CPEB2: variants seen among roughly 807,000 people sequenced by gnomAD.
CPEB2 encodes cytoplasmic polyadenylation element-binding protein 2.
Under a neutral mutation model 93.6 loss-of-function variants are expected in CPEB2, and 56 were observed. The observed-to-expected ratio is 0.60, with a 90% CI of 0.48 to 0.75. The LOEUF (loss-of-function observed/expected upper bound fraction) is 0.75, where lower values mean the gene tolerates loss of function less well. CPEB2 is among the 30% of genes least tolerant of loss of function. The probability of loss-of-function intolerance (pLI) is 0.00; values close to 1 mark genes in which losing one functional copy is unlikely to be tolerated. For missense variants in CPEB2, 1,579 were observed against 1,395.1 expected (o/e 1.13, Z -2.10); for synonymous variants, 764 against 586.3 (o/e 1.30, Z -4.38).
At chr4:15,015,933 C>T (rs1695753020) in intron 3 of CPEB2, among the ~76,000 whole-genome samples, 1 of 151,934 alleles carries the variant, frequency 6.6e-6, no homozygotes, top group South Asian at 2.1e-4. Context: ...ATCTCTGTCT[C>T]TCAGAATATC....
chr4:15,050,276 G>A (rs1024152528), intron 6 of CPEB2, among the ~76,000 whole-genome samples: 1 of 152,134 alleles, frequency 6.6e-6, no homozygotes, highest in Admixed American at 6.5e-5. Flanking sequence ...TAGGTTGTGT[G>A]CTCCTTATGA....
At position 15,004,090 on chromosome 4, in the gene CPEB2, T is replaced by C; in HGVS notation, c.1417T>C (p.Cys473Arg). The C allele has an allele frequency of 6.4e-7, 1 of 1,561,468 alleles. No individual in the cohort carries two copies. Among genetic ancestry groups the C allele is most frequent in the Non-Finnish European group, 8.6e-7 (1 of 1,157,464 alleles). The change falls in exon 1 of 12, where the codon TGC (cysteine) becomes CGC (arginine). Residue 473 changes from cysteine (C) to arginine (R), a missense_variant. This residue lies in a region of CPEB2 where 1,411 missense variants were observed against 1,056.0 expected (regional missense o/e 1.34). Coordinates refer to ENST00000538197, the MANE Select transcript of CPEB2 (RefSeq NM_001177382.2). ...CTTCTCGCCCGTGTCGCCGCACGGC[T>C]GCACTGGGCTCAGCGTTCCGACGAG... ...PSFSPVSPHGCTGLSVPTSGG... is the reference protein window; with the variant it reads ...PSFSPVSPHGRTGLSVPTSGG...
rs150621610 is a variant in CPEB2 at position 15,040,053 on chromosome 4, A to G, written c.2177-411A>G. Among the ~76,000 whole-genome samples, 384 of 152,238 alleles carry G rather than the reference A, an allele frequency of 2.5e-3. 1 individual carries two copies. The highest frequency in any genetic ancestry group is 8.3e-3 in the African/African-American group (347 of 41,558). ...TGAACAGCTATTTATTGGACTATAT[A>G]TGCCATACCATTCTTTATAATAAGT... On this transcript the variant is annotated intron_variant, in intron 5 of 11. Coordinates refer to ENST00000538197, the MANE Select transcript of CPEB2 (RefSeq NM_001177382.2).
At chr4:15,018,140 T>G (rs1027902693) in intron 4 of CPEB2, among the ~76,000 whole-genome samples, 1 of 151,898 alleles carries the variant, frequency 6.6e-6, no homozygotes. Flanking sequence ...AATCTCTCAT[T>G]GAATCAAAAT....
intron 4 of CPEB2, among the ~76,000 whole-genome samples, chr4:15,025,926 G>A (rs530497367): frequency 3.9e-5 from 6 of 152,182 alleles, no homozygotes; most frequent in South Asian, 2.1e-4. Context: ...CTGTTCTAGT[G>A]TCTTTATCCT....
intron 6 of CPEB2, among the ~76,000 whole-genome samples, chr4:15,045,284 G>A (rs1378820069): frequency 6.6e-6 from 1 of 152,032 alleles, no homozygotes; most frequent in Non-Finnish European, 1.5e-5. Flanking sequence ...TGTTTTATCT[G>A]TATTTTCTAT....
intron 4 of CPEB2, among the ~76,000 whole-genome samples, chr4:15,022,957 A>T (rs1018837992): frequency 1.4e-4 from 22 of 152,022 alleles, no homozygotes; most frequent in African/African-American, 4.6e-4. Flanking sequence ...AGTTGCCTTT[A>T]TTACAAACTT....
chr4:15,033,738 A>C (rs1726347660), intron 5 of CPEB2, among the ~76,000 whole-genome samples: 1 of 152,206 alleles, frequency 6.6e-6, no homozygotes, highest in Non-Finnish European at 1.5e-5. Flanking sequence ...AATTTCATTA[A>C]AGTTAGTTTT....
chr4:15,013,364 T>TA (rs1402340497), intron 3 of CPEB2, among the ~76,000 whole-genome samples: 1 of 152,038 alleles, frequency 6.6e-6, no homozygotes, highest in African/African-American at 2.4e-5. Context: ...CATAGAGTCT[T>TA]ATATTTCTGA....
chr4:15,016,206 C>T (rs960295241), intron 3 of CPEB2, among the ~76,000 whole-genome samples: 5 of 151,968 alleles, frequency 3.3e-5, no homozygotes, highest in African/African-American at 4.8e-5. Flanking sequence ...GTATCCCCCA[C>T]GTATACATAA....
chr4:15,005,061 T>A (rs1365084098), intron 1 of CPEB2: 1 of 152,038 alleles, frequency 6.6e-6, no homozygotes, highest in African/African-American at 2.4e-5. Context: ...CGCCGCACCC[T>A]GGGCCGCCGG....
rs1436957264 is a variant in CPEB2, at chr4:15,065,611, T to G, written c.2878-542T>G. Reference sequence around the variant, plus strand: ...GAGCTGACTCCAGTCTGAAGTGTTCTGCCAAGTCAGACCTTCACAACGGGA... The same window carrying G: ...GAGCTGACTCCAGTCTGAAGTGTTCGGCCAAGTCAGACCTTCACAACGGGA... On this transcript the variant is annotated intron_variant, in intron 11 of 11. Coordinates refer to ENST00000538197, the MANE Select transcript of CPEB2 (RefSeq NM_001177382.2). Among the ~76,000 whole-genome samples the G allele has an allele frequency of 2.6e-5, 4 of 152,230 alleles. No homozygotes were observed. In the South Asian group the frequency reaches 6.2e-4, roughly 24 times the overall value.
chr4:15,023,049 T>G (rs1191389426), intron 4 of CPEB2, among the ~76,000 whole-genome samples: 1 of 152,000 alleles, frequency 6.6e-6, no homozygotes, highest in Non-Finnish European at 1.5e-5. Context: ...AGACTGAAAT[T>G]TTTTTGTTAA....
At chr4:15,054,462 G>T (rs1369256258) in intron 8 of CPEB2, among the ~76,000 whole-genome samples, 5 of 151,996 alleles carry the variant, frequency 3.3e-5, no homozygotes, top group African/African-American at 7.2e-5. Context: ...TGAAGTGATT[G>T]GTCTTTCATA....
chr4:15,019,453 G>A (rs1323389800), intron 4 of CPEB2, among the ~76,000 whole-genome samples: 1 of 151,748 alleles, frequency 6.6e-6, no homozygotes, highest in African/African-American at 2.4e-5. Flanking sequence ...TCTAAATCAA[G>A]GTGGTAGCAA....
At chr4:15,051,685 A>G (rs1279719735) in intron 6 of CPEB2, among the ~76,000 whole-genome samples, 1 of 152,246 alleles carries the variant, frequency 6.6e-6, no homozygotes, top group Non-Finnish European at 1.5e-5. Context: ...ATGGTTACAT[A>G]TATAGATCTT....
chr4:15,023,419 A>G (rs926360895), intron 4 of CPEB2, among the ~76,000 whole-genome samples: 10 of 152,174 alleles, frequency 6.6e-5, no homozygotes, highest in Middle Eastern at 3.4e-3. Context: ...GTATTCATTT[A>G]TTAAAGAAAA....
At chr4:15,063,859 A>G (rs1289528127) in intron 11 of CPEB2, 1 of 152,060 alleles carries the variant, frequency 6.6e-6, no homozygotes, top group Non-Finnish European at 1.5e-5. Flanking sequence ...GGAAAAGCTT[A>G]TTTTCTAAGA....
Position 15,003,625 on chromosome 4 carries a change from A to G in CPEB2, c.952A>G (p.Asn318Asp). 6.8e-7 allele frequency: 1 copy of G among 1,481,448 alleles called. No homozygotes were observed. The highest frequency in any genetic ancestry group is 8.9e-7 in the Non-Finnish European group (1 of 1,120,586). 91.8% of individuals were successfully genotyped at this position (1,481,448 alleles called of 1,614,324 possible). A position where few individuals can be genotyped will look rare whatever the true frequency, so the allele number is the denominator to read the frequency against. ...CGCGCCGGGCTCCATGGAGTCCCCC[A>G]ACCACCCTCTGCTCAACAGTCCCAG... Reference protein sequence around the residue: ...NPAPGSMESPNHPLLNSPSNL... With the variant: ...NPAPGSMESPDHPLLNSPSNL... The change falls in exon 1 of 12, where the codon AAC becomes GAC. Residue 318 changes from asparagine to aspartate, a missense_variant. Around this residue, in one of 2 missense-constraint regions of CPEB2, gnomAD observed 1,411 missense variants for 1,056.0 expected, o/e 1.34. Coordinates refer to ENST00000538197, the MANE Select transcript of CPEB2 (RefSeq NM_001177382.2).
Sources: gnomAD v4.1 joint callset for allele counts (sites outside exome capture counted in the v4.1 genomes callset) on GRCh38, gnomAD v4.1.1 for gene constraint, gnomAD v4.1.1 regional missense constraint, MANE v1.5 for transcripts, NCBI Gene and HGNC (gene_info 2026-07-23, HGNC 2026-07-21) for gene names.